The following STK32C variants were observed in gnomAD, a reference collection of about 807,000 sequenced individuals.
STK32C encodes the protein serine/threonine-protein kinase 32C.
Under a neutral mutation model 56.5 loss-of-function variants are expected in STK32C, and 31 were observed. That is an observed-to-expected ratio of 0.55 (90% CI 0.41 to 0.74). The LOEUF is 0.74. Among genes scored for constraint, STK32C ranks in the 30% least tolerant of loss-of-function variants. The pLI, the probability that STK32C is intolerant of heterozygous loss-of-function variation, is 0.00. For missense variants in STK32C, 544 were observed against 676.9 expected, an observed-to-expected ratio of 0.80 and a Z score of 2.18; for synonymous variants, 309 against 289.4, an observed-to-expected ratio of 1.07 and a Z score of -0.69.
At chr10:132,210,006 G>A (rs1481965508) in intron 10 of STK32C, among the ~76,000 whole-genome samples, 4 of 152,188 alleles carry the variant, frequency 2.6e-5, no homozygotes, top group Non-Finnish European at 4.4e-5. Flanking sequence ...GGGGACGTGT[G>A]AGTGGGTACA....
At chr10:132,211,524 G>A (rs1455173816) in intron 10 of STK32C, among the ~76,000 whole-genome samples, 1 of 152,248 alleles carries the variant, frequency 6.6e-6, no homozygotes, top group East Asian at 1.9e-4. Context: ...GCCGGGCTGT[G>A]TCACCTAGAT....
chr10:132,302,262 T>A (rs2065931619), intron 1 of STK32C, among the ~76,000 whole-genome samples: 1 of 152,206 alleles, frequency 6.6e-6, no homozygotes, highest in South Asian at 2.1e-4. Context: ...GAAAGCTGGG[T>A]GGTTCAAGTT....
rs146383886 is a variant in STK32C at position 132,217,549 on chromosome 10, G to A, written c.1251+5092C>T. Among the ~76,000 whole-genome samples, 711 of 152,248 alleles carry A rather than the reference G, an allele frequency of 4.7e-3. 4 individuals are homozygous for A. The highest frequency in any genetic ancestry group is 0.016 in the African/African-American group (675 of 41,538). On this transcript the variant is annotated intron_variant, in intron 10 of 11. Coordinates refer to ENST00000298630, the MANE Select transcript of STK32C (RefSeq NM_173575.4). ...TGTGAGGACATGAGATTTTGGAGGGGCTGGGGCAGAATGATATGGTTTGGC... is the reference window on the plus strand; with the variant it reads ...TGTGAGGACATGAGATTTTGGAGGGACTGGGGCAGAATGATATGGTTTGGC...
intron 2 of STK32C, among the ~76,000 whole-genome samples, chr10:132,230,138 G>T (rs1362247624): frequency 6.6e-6 from 1 of 152,060 alleles, no homozygotes. Flanking sequence ...GAACGAGGCC[G>T]CCTTGGGAGG....
upstream of STK32C, chr10:132,331,891 G>A (rs753799400): frequency 2.0e-6 from 2 of 1,018,362 alleles, no homozygotes; most frequent in East Asian, 5.5e-5. Context: ...ACCACCCCCT[G>A]CCACCCCCGC....
chr10:132,292,866 C>T (rs753819011), intron 1 of STK32C, among the ~76,000 whole-genome samples: 13 of 152,214 alleles, frequency 8.5e-5, no homozygotes, highest in Non-Finnish European at 1.8e-4. Flanking sequence ...ACCCAAGCCC[C>T]GCGACGACCC....
intron 1 of STK32C, among the ~76,000 whole-genome samples, chr10:132,249,950 G>A (rs1259891556): frequency 6.6e-6 from 1 of 152,260 alleles, no homozygotes; most frequent in African/African-American, 2.4e-5. Flanking sequence ...CTCAGCGGAG[G>A]AGATAAGGAA....
At chr10:132,267,148 G>A (rs2064567438) in intron 1 of STK32C, among the ~76,000 whole-genome samples, 1 of 151,974 alleles carries the variant, frequency 6.6e-6, no homozygotes, top group Non-Finnish European at 1.5e-5. Context: ...TGTGACACGT[G>A]GGCCCTGGGC....
chr10:132,331,632 A>G (rs7086691), exon 1 of STK32C: 601,919 of 1,612,064 alleles, frequency 0.37, 114,416 homozygotes, highest in Non-Finnish European at 0.39. Flanking sequence ...GGCAGCGAGG[A>G]CCGCTCCAAA....
At chr10:132,308,434 C>T (rs1290768654), upstream of STK32C, among the ~76,000 whole-genome samples, 1 of 152,186 alleles carries the variant, frequency 6.6e-6, no homozygotes, top group African/African-American at 2.4e-5. Context: ...GTGCGGGGAG[C>T]CCTAAACTCC....
rs10556901 is a variant in STK32C at position 132,281,178 on chromosome 10, GACACACACACACACAC to G, written c.262+26378_262+26393del. On this transcript the variant is annotated intron_variant, in intron 1 of 11. Coordinates refer to ENST00000298630, the MANE Select transcript of STK32C (RefSeq NM_173575.4). ...TAAACACACACACGTGATCCTCGTGGACACACACACACACACACACACACACACACACACAGGTGCA... is the reference window on the plus strand; with the variant it reads ...TAAACACACACACGTGATCCTCGTGGACACACACACACACACACAGGTGCA... 9.2e-3 allele frequency among the ~76,000 whole-genome samples: 1,373 copies of G among 149,430 alleles called. 24 individuals carry two copies. The highest frequency in any genetic ancestry group is 0.032 in the African/African-American group (1,286 of 40,492).
intron 1 of STK32C, among the ~76,000 whole-genome samples, chr10:132,305,167 G>A (rs892486308): frequency 5.9e-5 from 9 of 152,220 alleles, no homozygotes; most frequent in African/African-American, 2.2e-4. Context: ...TAGAATGGGA[G>A]CATGTGAGGG....
chr10:132,278,431 G>A (rs2065050532), intron 1 of STK32C, among the ~76,000 whole-genome samples: 1 of 151,780 alleles, frequency 6.6e-6, no homozygotes, highest in South Asian at 2.1e-4. Flanking sequence ...AAAATGCAAA[G>A]CTTCTGCATA....
intron 1 of STK32C, among the ~76,000 whole-genome samples, chr10:132,270,337 A>G (rs1320196200): frequency 6.6e-6 from 1 of 152,244 alleles, no homozygotes; most frequent in Non-Finnish European, 1.5e-5. Context: ...GCAGGGAGAC[A>G]CTGCTACCAG....
intron 1 of STK32C, among the ~76,000 whole-genome samples, chr10:132,274,182 G>A (rs980934102): frequency 3.9e-5 from 6 of 152,224 alleles, no homozygotes; most frequent in South Asian, 4.1e-4. Context: ...CACCATCCAC[G>A]CTGGGTGTGG....
chr10:132,241,960 A>C (rs955090666), intron 2 of STK32C, among the ~76,000 whole-genome samples: 2 of 152,180 alleles, frequency 1.3e-5, no homozygotes, highest in Admixed American at 6.5e-5. Context: ...TACAAAAAAA[A>C]TTAGCTGAGC....
downstream of STK32C, among the ~76,000 whole-genome samples, chr10:132,321,513 T>G (rs2066406864): frequency 6.6e-6 from 1 of 152,150 alleles, no homozygotes; most frequent in African/African-American, 2.4e-5. Flanking sequence ...TCATTCACCC[T>G]CTGGTCTGTA....
At chr10:132,331,784 C>T in exon 1 of STK32C, 1 of 1,607,270 alleles carries the variant, frequency 6.2e-7, no homozygotes, top group African/African-American at 1.3e-5. Context: ...CCCCTCCAGA[C>T]CCTCGCGGTC....
chr10:132,319,892 A>AT (rs1332064904), downstream of STK32C, among the ~76,000 whole-genome samples: 226 of 145,240 alleles, frequency 1.6e-3, no homozygotes, highest in Middle Eastern at 3.5e-3. Context: ...CCTTAGATGG[A>AT]TTTTTTTTTT....
Sources: gnomAD v4.1 joint callset for allele counts (sites outside exome capture counted in the v4.1 genomes callset) on GRCh38, gnomAD v4.1.1 for gene constraint, MANE v1.5 for transcripts, NCBI Gene and HGNC (gene_info 2026-07-23, HGNC 2026-07-21) for gene names.